Variants in GNG2 observed in about 807,000 individuals in gnomAD.
GNG2 encodes the protein guanine nucleotide-binding protein G(I)/G(S)/G(O) subunit gamma-2.
A neutral mutation model predicts 5.5 loss-of-function variants in GNG2; 5 were observed. That is an observed-to-expected ratio of 0.91 (90% CI 0.48 to 1.92). GNG2 has a LOEUF of 1.92. Ranked by LOEUF, GNG2 falls within the 30% of genes most tolerant of loss-of-function variation. The pLI, the probability that GNG2 is intolerant of heterozygous loss-of-function variation, is 0.01. For synonymous variants in GNG2, 28 were observed against 32.0 expected (o/e 0.88, Z 0.42); for missense variants, 55 against 88.4 (o/e 0.62, Z 1.52).
intron 2 of GNG2, among the ~76,000 whole-genome samples, chr14:51,829,143 G>A (rs116531122): frequency 0.014 from 2,073 of 152,258 alleles, 44 homozygotes; most frequent in African/African-American, 0.043. Flanking sequence ...CCAAATAGCT[G>A]CATCCTCCTA....
chr14:51,854,348 G>A (rs571036633), intron 2 of GNG2, among the ~76,000 whole-genome samples: 3 of 152,298 alleles, frequency 2.0e-5, no homozygotes, highest in Non-Finnish European at 2.9e-5. Flanking sequence ...GTTTGGAACA[G>A]TTTCTGCTTA....
chr14:51,923,442 A>AAT lies in GNG2; in HGVS notation c.-29-27194_-29-27193dup, dbSNP rs779802129. On this transcript the variant is annotated intron_variant, in intron 2 of 3. Coordinates refer to ENST00000556766, the MANE Select transcript of GNG2 (RefSeq NM_053064.5). Reference sequence around the variant, plus strand: ...GTTCACTTTTCCCCATACATACACAAATATATATATATATACATGTTTACA... The same window carrying AAT: ...GTTCACTTTTCCCCATACATACACAAATATATATATATATATACATGTTTACA... Among the ~76,000 whole-genome samples the AAT allele has an allele frequency of 3.3e-3, 489 of 150,056 alleles. 3 individuals are homozygous for AAT. Among genetic ancestry groups the AAT allele is most frequent in the African/African-American group, 9.9e-3 (408 of 41,018 alleles).
intron 2 of GNG2, among the ~76,000 whole-genome samples, chr14:51,901,502 A>G (rs1885554560): frequency 6.6e-6 from 1 of 152,090 alleles, no homozygotes; most frequent in Non-Finnish European, 1.5e-5. Context: ...CTGAGAAAGT[A>G]TCTCTTTATT....
intron 2 of GNG2, among the ~76,000 whole-genome samples, chr14:51,923,562 C>A (rs941952246): frequency 2.0e-4 from 12 of 60,262 alleles, no homozygotes; most frequent in Non-Finnish European, 9.1e-5. Context: ...TATACAAACA[C>A]ACAATACACA....
intron 2 of GNG2, among the ~76,000 whole-genome samples, chr14:51,892,001 T>C (rs1884887894): frequency 6.6e-6 from 1 of 152,252 alleles, no homozygotes; most frequent in Non-Finnish European, 1.5e-5. Flanking sequence ...AGGTTGACCA[T>C]TAGTGGTTAT....
chr14:51,914,424 G>T, intron 2 of GNG2: 2 of 603,044 alleles, frequency 3.3e-6, no homozygotes, highest in South Asian at 2.0e-5. Flanking sequence ...AGGTTCCCAA[G>T]GTGCGGGAGG....
chr14:51,860,671 G>T lies in GNG2; in HGVS notation c.-190G>T. On this transcript the variant is annotated 5_prime_UTR_variant, in exon 1 of 4. Coordinates refer to ENST00000556766, the MANE Select transcript of GNG2 (RefSeq NM_053064.5). ...ACAACGCTGCCGCCGCGCTCCGTGGGCAACTCCTACTACTGCTGGGCTGGG... is the reference window on the plus strand; with the variant it reads ...ACAACGCTGCCGCCGCGCTCCGTGGTCAACTCCTACTACTGCTGGGCTGGG... 6.5e-6 allele frequency: 1 copy of T among 153,252 alleles called. No homozygotes were observed. Among genetic ancestry groups the T allele is most frequent in the Non-Finnish European group, 1.5e-5 (1 of 68,836 alleles). The allele number at this position is 153,252 out of a possible 1,614,324, so 9.5% of individuals were successfully genotyped here. A position where few individuals can be genotyped will look rare whatever the true frequency, so the allele number is the denominator to read the frequency against.
At chr14:51,919,680 T>TAAGGCAGC (rs1886891583) in intron 2 of GNG2, among the ~76,000 whole-genome samples, 2 of 152,360 alleles carry the variant, frequency 1.3e-5, no homozygotes, top group East Asian at 3.9e-4. Context: ...CTTTGGCTGA[T>TAAGGCAGC]TGAGACTTGT....
chr14:51,886,242 A>G (rs28718093), intron 2 of GNG2, among the ~76,000 whole-genome samples: 2,109 of 152,322 alleles, frequency 0.014, 57 homozygotes, highest in African/African-American at 0.049. Context: ...AAATCTGTGT[A>G]ATGTATCTAC....
chr14:51,885,138 A>C (rs1884360351), intron 2 of GNG2, among the ~76,000 whole-genome samples: 2 of 152,174 alleles, frequency 1.3e-5, no homozygotes, highest in Admixed American at 6.5e-5. Context: ...TGCCCAAGCT[A>C]ATTCAAGTTG....
At chr14:51,916,570 G>T in intron 2 of GNG2, 1 of 436,332 alleles carries the variant, frequency 2.3e-6, no homozygotes, top group Non-Finnish European at 4.6e-6. Context: ...CAGCGGATTT[G>T]CAGCTGGCGC....
intron 2 of GNG2, among the ~76,000 whole-genome samples, chr14:51,829,191 C>T (rs773936488): frequency 6.6e-6 from 1 of 152,170 alleles, no homozygotes; most frequent in Non-Finnish European, 1.5e-5. Context: ...ACCTGGTCCT[C>T]CTGTGCCTCA....
chr14:51,940,949 A>T (rs1888286506), intron 2 of GNG2, among the ~76,000 whole-genome samples: 1 of 152,158 alleles, frequency 6.6e-6, no homozygotes. Context: ...TGTTTGTGAA[A>T]GCCCTTTAGA....
chr14:51,857,135 T>C (rs2884137), upstream of GNG2, among the ~76,000 whole-genome samples: 103,511 of 152,046 alleles, frequency 0.68, 35,708 homozygotes, highest in South Asian at 0.82. Flanking sequence ...AAATAATGGC[T>C]TTAGTGCTGA....
chr14:51,932,271 A>AG lies in GNG2; in HGVS notation c.-29-18379_-29-18378insG, dbSNP rs1555355831. Reference sequence around the variant, plus strand: ...CAAAAAAAAAAAAAAAAAAAAAAAAAAGAAAAGAAAATATGGTATATATGC... The same window carrying AG: ...CAAAAAAAAAAAAAAAAAAAAAAAAAGAGAAAAGAAAATATGGTATATATGC... On this transcript the variant is annotated intron_variant, in intron 2 of 3. Coordinates refer to ENST00000556766, the MANE Select transcript of GNG2 (RefSeq NM_053064.5). 6.9e-3 allele frequency among the ~76,000 whole-genome samples: 661 copies of AG among 96,316 alleles called. 117 individuals are homozygous for AG. The highest frequency in any genetic ancestry group is 0.026 in the African/African-American group (629 of 24,378). 63.2% of individuals were successfully genotyped at this position (96,316 alleles called of 152,430 possible).
chr14:51,914,692 T>G (rs1886506879), intron 2 of GNG2, among the ~76,000 whole-genome samples: 1 of 152,130 alleles, frequency 6.6e-6, no homozygotes, highest in Non-Finnish European at 1.5e-5. Context: ...CAAAGAGAGG[T>G]CTTTGCTGAT....
intron 2 of GNG2, among the ~76,000 whole-genome samples, chr14:51,936,540 A>ATT (rs35190987): frequency 4.6e-5 from 6 of 129,646 alleles, no homozygotes; most frequent in East Asian, 2.1e-4. Context: ...TACTCCATTG[A>ATT]TTTTTTTTTT....
intron 2 of GNG2, among the ~76,000 whole-genome samples, chr14:51,907,150 C>A (rs530707344): frequency 6.6e-6 from 1 of 152,146 alleles, no homozygotes; most frequent in African/African-American, 2.4e-5. Context: ...AGGCTGACAG[C>A]CACTGCCAAG....
At chr14:51,865,042 C>G (rs1882781539) in intron 1 of GNG2, among the ~76,000 whole-genome samples, 1 of 152,124 alleles carries the variant, frequency 6.6e-6, no homozygotes, top group Non-Finnish European at 1.5e-5. Context: ...AGCAGGGACC[C>G]TATTGAATAG....
Sources: allele counts gnomAD v4.1 joint callset (sites outside exome capture counted in the v4.1 genomes callset), GRCh38; gene constraint gnomAD v4.1.1; transcripts MANE v1.5; gene names NCBI Gene and HGNC (gene_info 2026-07-23, HGNC 2026-07-21).